The following RASA1 variants were observed in gnomAD, a reference collection of about 807,000 sequenced individuals.
The protein encoded by RASA1 is RAS p21 protein activator 1.
RASA1 carries 25 observed loss-of-function variants against 132.2 expected under a neutral mutation model. The observed-to-expected ratio is 0.19, with a 90% confidence interval of 0.14 to 0.26. The LOEUF is 0.26. Ranked by LOEUF, RASA1 falls within the 10% of genes least tolerant of loss-of-function variation. RASA1 has a pLI of 1.00. For synonymous variants in RASA1, 477 were observed against 449.9 expected (o/e 1.06, Z -0.76); for missense variants, 964 against 1,299.2 (o/e 0.74, Z 3.97).
intron 11 of RASA1, among the ~76,000 whole-genome samples, chr5:87,366,927 G>T (rs1460021560): frequency 6.6e-6 from 1 of 152,140 alleles, no homozygotes; most frequent in East Asian, 1.9e-4. Flanking sequence ...ACCTACTCAG[G>T]AGAGTGAGGT....
At chr5:87,282,074 T>C (rs531660085) in intron 1 of RASA1, among the ~76,000 whole-genome samples, 1 of 152,290 alleles carries the variant, frequency 6.6e-6, no homozygotes, top group East Asian at 1.9e-4. Context: ...TGTTTTTTTC[T>C]TTTGTTGCCT....
Position 87,268,316 on chromosome 5 carries a change from CTCCT to C in RASA1, c.-134_-131del. The C allele has an allele frequency of 8.7e-7, 1 of 1,153,884 alleles. No homozygotes were observed. Among genetic ancestry groups the C allele is most frequent in the Non-Finnish European group, 1.2e-6 (1 of 850,366 alleles). The allele number at this position is 1,153,884 out of a possible 1,614,324, so 71.5% of individuals were successfully genotyped here. A position where few individuals can be genotyped will look rare whatever the true frequency, so the allele number is the denominator to read the frequency against. ...AGGAGGGGGCGCGGCGGCGGGCTCTCTCCTTTTGTTGTTGTTTCCTCAGCCTGGG... is the reference window on the plus strand; with the variant it reads ...AGGAGGGGGCGCGGCGGCGGGCTCTCTTTGTTGTTGTTTCCTCAGCCTGGG... On this transcript the variant is annotated 5_prime_UTR_variant, in exon 1 of 25. Transcript: ENST00000274376.
At chr5:87,347,488 T>G (rs1758946471) in intron 7 of RASA1, among the ~76,000 whole-genome samples, 1 of 152,040 alleles carries the variant, frequency 6.6e-6, no homozygotes, top group Admixed American at 6.6e-5. Context: ...AGCTTTAGTA[T>G]GTAATTTAAA....
At chr5:87,273,708 T>C (rs1006620441) in intron 1 of RASA1, among the ~76,000 whole-genome samples, 2 of 150,974 alleles carry the variant, frequency 1.3e-5, no homozygotes, top group Non-Finnish European at 3.0e-5. Context: ...TTCTTTTTTT[T>C]TTTTTTTGAG....
intron 1 of RASA1, among the ~76,000 whole-genome samples, chr5:87,299,251 G>A (rs900571116): frequency 6.6e-6 from 1 of 152,156 alleles, no homozygotes; most frequent in Non-Finnish European, 1.5e-5. Context: ...CATAGTAATA[G>A]CAAGTAGTTA....
chr5:87,309,675 C>T (rs964892486), intron 1 of RASA1, among the ~76,000 whole-genome samples: 2 of 151,956 alleles, frequency 1.3e-5, no homozygotes, highest in African/African-American at 4.8e-5. Flanking sequence ...ATATTTTGTA[C>T]TGTCAAATCT....
intron 9 of RASA1, among the ~76,000 whole-genome samples, chr5:87,353,582 A>T (rs1193645506): frequency 1.3e-5 from 2 of 152,198 alleles, no homozygotes; most frequent in East Asian, 3.9e-4. Context: ...GAAATAAAAA[A>T]TACTGATAGA....
intron 6 of RASA1, among the ~76,000 whole-genome samples, chr5:87,346,097 C>T (rs1474989245): frequency 6.6e-6 from 1 of 152,016 alleles, no homozygotes; most frequent in Non-Finnish European, 1.5e-5. Flanking sequence ...ATATAAAATA[C>T]ATAGCAACCT....
intron 21 of RASA1, 81 bp downstream of exon 21, chr5:87,383,861 T>C: frequency 1.3e-6 from 1 of 781,410 alleles, no homozygotes; most frequent in Non-Finnish European, 1.8e-6. Flanking sequence ...TCTTAAATCT[T>C]TTTTTTTTTT....
At chr5:87,355,666 T>C (rs1759596320) in intron 9 of RASA1, among the ~76,000 whole-genome samples, 1 of 152,192 alleles carries the variant, frequency 6.6e-6, no homozygotes, top group Non-Finnish European at 1.5e-5. Flanking sequence ...AAGAAATAAT[T>C]TCATAATGTT....
chr5:87,389,575 C>A, intron 24 of RASA1, 48 bp downstream of exon 24: 1 of 1,601,532 alleles, frequency 6.2e-7, no homozygotes, highest in Non-Finnish European at 8.6e-7. Context: ...AAAGATAACA[C>A]TTAGAGAGTT....
chr5:87,283,640 C>A (rs1460079766), intron 1 of RASA1, among the ~76,000 whole-genome samples: 3 of 151,998 alleles, frequency 2.0e-5, no homozygotes, highest in Non-Finnish European at 4.4e-5. Flanking sequence ...ATAATTATAG[C>A]TAACATTTTC....
intron 5 of RASA1, among the ~76,000 whole-genome samples, 166 bp from the exon 6 acceptor site, chr5:87,341,124 T>G (rs553499498): frequency 6.6e-6 from 1 of 152,110 alleles, no homozygotes; most frequent in South Asian, 2.1e-4. Context: ...AAGAAAAGAT[T>G]AAGAGAGGTT....
chr5:87,279,780 A>G (rs1440244893), intron 1 of RASA1, among the ~76,000 whole-genome samples: 1 of 152,242 alleles, frequency 6.6e-6, no homozygotes, highest in South Asian at 2.1e-4. Flanking sequence ...GAGAGAATCA[A>G]TAAGATACAT....
intron 1 of RASA1, among the ~76,000 whole-genome samples, chr5:87,286,991 CACCATATATAT>C (rs1364372809): frequency 1.4e-5 from 2 of 142,880 alleles, no homozygotes; most frequent in South Asian, 2.1e-4. Context: ...CATATATACA[CACCATATATAT>C]ACCATATATA....
chr5:87,338,536 A>ATATT, intron 5 of RASA1, among the ~76,000 whole-genome samples: 5,618 of 84,900 alleles, frequency 0.066, 444 homozygotes, highest in Middle Eastern at 0.11. Context: ...TATATATAAA[A>ATATT]TTTTTTTTTT....
At chr5:87,296,681 G>T (rs1300186271) in intron 1 of RASA1, among the ~76,000 whole-genome samples, 1 of 151,990 alleles carries the variant, frequency 6.6e-6, no homozygotes, top group Non-Finnish European at 1.5e-5. Flanking sequence ...GTCTTCTGTA[G>T]GCAAGGTGTT....
chr5:87,387,289 A>C (rs1762128695), intron 23 of RASA1, among the ~76,000 whole-genome samples: 1 of 152,116 alleles, frequency 6.6e-6, no homozygotes, highest in East Asian at 1.9e-4. Context: ...AGTTCTGACC[A>C]GGTTAAATAA....
rs906263241 is a variant in RASA1 at position 87,343,656 on chromosome 5, C to A, written c.1049+2335C>A. Among the ~76,000 whole-genome samples the A allele has an allele frequency of 7.9e-5, 12 of 152,186 alleles. No individual in the cohort carries two copies. In the Middle Eastern group the frequency reaches 0.014, roughly 173 times the overall value. ...TGAGTGCAGTTACTATAGAGCACAG[C>A]ATGGAAGTTCTTCAAAAAATTAAAA... is the stretch of plus-strand genomic sequence containing the variant. On this transcript the variant is annotated intron_variant, in intron 6 of 24. Coordinates refer to ENST00000274376, the MANE Select transcript of RASA1 (RefSeq NM_002890.3).
Sources: gnomAD v4.1 joint callset for allele counts (sites outside exome capture counted in the v4.1 genomes callset) on GRCh38, gnomAD v4.1.1 for gene constraint, MANE v1.5 for transcripts, NCBI Gene and HGNC (gene_info 2026-07-23, HGNC 2026-07-21) for gene names.